NSMF: variants seen among roughly 807,000 people sequenced by gnomAD.
The protein encoded by NSMF is nasal embryonic LHRH factor.
Under a neutral mutation model 71.0 loss-of-function variants are expected in NSMF, and 31 were observed. The observed-to-expected ratio is 0.44, with a 90% CI of 0.33 to 0.59. NSMF has a LOEUF of 0.59. Ranked by LOEUF, NSMF falls within the 20% of genes least tolerant of loss-of-function variation. The probability of loss-of-function intolerance (pLI) is 0.04; values close to 1 mark genes in which losing one functional copy is unlikely to be tolerated. For missense variants in NSMF, 673 were observed against 740.5 expected, an observed-to-expected ratio of 0.91 and a Z score of 1.06; for synonymous variants, 345 against 287.1, an observed-to-expected ratio of 1.20 and a Z score of -2.04.
intron 14 of NSMF, 47 bp from the exon 15 acceptor site, chr9:137,449,721 G>A (rs762467399): frequency 2.0e-6 from 3 of 1,518,886 alleles, no homozygotes; most frequent in Non-Finnish European, 2.7e-6. Context: ...AGATGGGGAA[G>A]GAGGAGCGGG....
Position 137,459,085 on chromosome 9 carries a change from G to T in NSMF, c.18C>A (p.Ser6=). The part of the protein sequence containing the change: MGAAA[S]RRRALRSEAM... ...CCTCGCTCCTCAGCGCCCTCCTCCTGGAGGCGGCGGCGCCCATGGTCGAGG... is the reference window on the plus strand; with the variant it reads ...CCTCGCTCCTCAGCGCCCTCCTCCTTGAGGCGGCGGCGCCCATGGTCGAGG... The change falls in exon 1 of 16, where the codon TCC becomes TCA. Residue 6 remains serine, a synonymous_variant. Transcript: ENST00000371475. The T allele has an allele frequency of 2.6e-5, 33 of 1,259,488 alleles. No homozygotes were observed. The highest frequency in any genetic ancestry group is 3.2e-5 in the Non-Finnish European group (32 of 998,612). 78.0% of individuals were successfully genotyped at this position (1,259,488 alleles called of 1,614,324 possible).
At chr9:137,454,038 G>A (rs983705698) in intron 7 of NSMF, among the ~76,000 whole-genome samples, 3 of 151,178 alleles carry the variant, frequency 2.0e-5, no homozygotes, top group South Asian at 2.1e-4. Flanking sequence ...TGGGAAGGGA[G>A]GAGCCTGGGC....
At chr9:137,456,116 T>G (rs1588507222) in intron 4 of NSMF, among the ~76,000 whole-genome samples, 1 of 146,748 alleles carries the variant, frequency 6.8e-6, no homozygotes, top group African/African-American at 2.5e-5. Flanking sequence ...CTGAGGAGAG[T>G]GGATAGGAGC....
chr9:137,452,723 G>C lies in NSMF; in HGVS notation c.1131+13C>G. 6.2e-7 allele frequency: 1 copy of C among 1,604,866 alleles called. No individual in the cohort carries two copies. The highest frequency in any genetic ancestry group is 1.7e-5 in the Admixed American group (1 of 58,300). ...AGGGCATCTGTTGGGGGCAGGCCCG[G>C]GGCGGGACTCACGTAGAGGATGGGG... On this transcript the variant is annotated intron_variant, in intron 10 of 15. Transcript: ENST00000371475.
rs114435522 is a variant in NSMF, at chr9:137,452,463, G to A, written c.1166-28C>T. The A allele has an allele frequency of 1.6e-4, 251 of 1,610,818 alleles. 1 individual carries two copies. The African/African-American group carries it at 2.7e-3, about 18-fold the overall frequency. On this transcript the variant is annotated intron_variant, in intron 11 of 15. Coordinates refer to ENST00000371475, the MANE Select transcript of NSMF (RefSeq NM_001130969.3). Reference sequence around the variant, plus strand: ...GTGGGAGAGCGGGTGTGAGTGCTGCGGCCCCCACCCCAGCCCCAGGGGCAC... The same window carrying A: ...GTGGGAGAGCGGGTGTGAGTGCTGCAGCCCCCACCCCAGCCCCAGGGGCAC...
intron 3 of NSMF, 33 bp from the exon 4 acceptor site, chr9:137,456,519 G>A (rs975251416): frequency 4.2e-6 from 6 of 1,444,122 alleles, no homozygotes; most frequent in East Asian, 2.3e-5. Context: ...GTGGCTGGGT[G>A]AAGTAGGGGT....
intron 9 of NSMF, 76 bp downstream of exon 9, chr9:137,452,976 CCAGG>C (rs1234313845): frequency 1.9e-5 from 30 of 1,602,390 alleles, no homozygotes; most frequent in Admixed American, 3.3e-5. Context: ...CTGCGTGGTC[CCAGG>C]CAGAGCTGGC....
In NSMF at chr9:137,450,295, C is replaced by T. The variant is rs770223424; in HGVS notation, c.1237-40G>A. 5 of 1,545,066 alleles carry T rather than the reference C, an allele frequency of 3.2e-6. No individual in the cohort carries two copies. In the Admixed American group the frequency reaches 6.7e-5, roughly 21 times the overall value. On this transcript the variant is annotated intron_variant, in intron 12 of 15. Coordinates refer to ENST00000371475, the MANE Select transcript of NSMF (RefSeq NM_001130969.3). ...GGTCAGGCATCTGCTCCTCCTTCCTCCCCCTCTCCGACACACATGCACCCA... is the reference window on the plus strand; with the variant it reads ...GGTCAGGCATCTGCTCCTCCTTCCTTCCCCTCTCCGACACACATGCACCCA...
At position 137,457,186 on chromosome 9, in the gene NSMF, C is replaced by G. The variant is rs186311415; in HGVS notation, c.628+221G>C. On this transcript the variant is annotated intron_variant, in intron 3 of 15. Coordinates refer to ENST00000371475, the MANE Select transcript of NSMF (RefSeq NM_001130969.3). ...CTGGTGCTAGCAGGGCGAAAGCGGA[C>G]TGTGAGGCCTGGCAGATTTTGCTGA... Among the ~76,000 whole-genome samples, 171 of 152,320 alleles carry G rather than the reference C, an allele frequency of 1.1e-3. 2 individuals are homozygous for G. Among genetic ancestry groups the G allele is most frequent in the African/African-American group, 3.4e-3 (143 of 41,572 alleles).
Position 137,457,524 on chromosome 9 carries a change from C to A in NSMF, c.511G>T (p.Ala171Ser). 2 of 1,608,698 alleles carry A rather than the reference C, an allele frequency of 1.2e-6. No homozygotes were observed. Among genetic ancestry groups the A allele is most frequent in the Non-Finnish European group, 1.7e-6 (2 of 1,178,216 alleles). Residue 171 changes from alanine to serine, a missense_variant, in exon 3 of 16, where the codon GCC becomes TCC. Transcript: ENST00000371475. Reference protein sequence around the residue: ...RQGSKECPGCAQLAPGPTPRA... With the variant: ...RQGSKECPGCSQLAPGPTPRA... ...GGGGTGGGGCCAGGAGCCAGCTGGGCACATCCGGGGCACTCCTTGGAGCCC... is the reference window on the plus strand; with the variant it reads ...GGGGTGGGGCCAGGAGCCAGCTGGGAACATCCGGGGCACTCCTTGGAGCCC...
chr9:137,449,471 ACGTCT>A lies in NSMF; in HGVS notation c.1511_1515del (p.Glu504ValfsTer3). On this transcript the variant is annotated frameshift_variant, in exon 16 of 16. Transcript: ENST00000371475. LOFTEE classifies it high-confidence loss of function. ...AGGCGATACAACCGGAAGTCAAAGTACGTCTCGATCATCTGCTTCCCTGGGCGGAG... is the reference window on the plus strand; with the variant it reads ...AGGCGATACAACCGGAAGTCAAAGTACGATCATCTGCTTCCCTGGGCGGAG... 6.2e-7 allele frequency: 1 copy of A among 1,612,880 alleles called. No homozygotes were observed. Among genetic ancestry groups the A allele is most frequent in the Non-Finnish European group, 8.5e-7 (1 of 1,179,928 alleles).
rs1831044932 is a variant in NSMF at position 137,459,169 on chromosome 9, A to G, written c.-67T>C. On this transcript the variant is annotated 5_prime_UTR_variant, in exon 1 of 16. Transcript: ENST00000371475. ...CCGCGCCCGCCGCCTCCGCCGGGGTAGCCGCGCCGCACCGGGGGTCGCGCT... is the reference window on the plus strand; with the variant it reads ...CCGCGCCCGCCGCCTCCGCCGGGGTGGCCGCGCCGCACCGGGGGTCGCGCT... The G allele has an allele frequency of 1.8e-6, 2 of 1,091,988 alleles. No homozygotes were observed. The highest frequency in any genetic ancestry group is 3.4e-5 in the African/African-American group (2 of 59,662). The allele number at this position is 1,091,988 out of a possible 1,614,324, so 67.6% of individuals were successfully genotyped here. A position where few individuals can be genotyped will look rare whatever the true frequency, so the allele number is the denominator to read the frequency against.
chr9:137,452,525 G>A (rs1163111018), intron 11 of NSMF, 28 bp downstream of exon 11: 1 of 1,612,546 alleles, frequency 6.2e-7, no homozygotes, highest in East Asian at 2.2e-5. Context: ...CCTGGAACCA[G>A]CAGAGAGAAG....
At position 137,454,818 on chromosome 9, in the gene NSMF, G is replaced by A. The variant is rs2131996372; in HGVS notation, c.780-375C>T. On this transcript the variant is annotated intron_variant, in intron 6 of 15. Coordinates refer to ENST00000371475, the MANE Select transcript of NSMF (RefSeq NM_001130969.3). The stretch of plus-strand genomic sequence containing the variant: ...CTGCAGCAGAGCGGGGCTCCTGTCT[G>A]CACCACCCCATGGCGGGCTGGGGGC... 2.3e-6 allele frequency: 3 copies of A among 1,324,446 alleles called. No individual in the cohort carries two copies. In the East Asian group the frequency reaches 1.0e-4, roughly 44 times the overall value. 82.0% of individuals were successfully genotyped at this position (1,324,446 alleles called of 1,614,324 possible).
rs1451973383 is a variant in NSMF at position 137,457,416 on chromosome 9, G to A, written c.619C>T (p.Arg207Cys). ...GACACAAACCCCTCACCAGACACACGGTCAACGCTGTACATCCTCTCCAGC... is the reference window on the plus strand; with the variant it reads ...GACACAAACCCCTCACCAGACACACAGTCAACGCTGTACATCCTCTCCAGC... The part of the protein sequence containing the change: ...KKLERMYSVD[R>C]VSDDIPIRTW... The change falls in exon 3 of 16, where the codon CGT (arginine) becomes TGT (cysteine). Residue 207 changes from arginine (R) to cysteine (C), a missense_variant. Arg to Cys is a radical substitution (Grantham distance 180). Transcript: ENST00000371475. 3.1e-6 allele frequency: 5 copies of A among 1,612,768 alleles called. No individual in the cohort carries two copies. Among genetic ancestry groups the A allele is most frequent in the South Asian group, 1.1e-5 (1 of 91,090 alleles).
In NSMF at chr9:137,457,352, C is replaced by A; in HGVS notation, c.628+55G>T. 1.9e-6 allele frequency: 3 copies of A among 1,608,574 alleles called. No homozygotes were observed. The South Asian group carries it at 3.3e-5, about 18-fold the overall frequency. ...CTCACAGTGGCTGCTGCTGTCAGAC[C>A]CTGGCAGCGGCATGCACCCCCAAAC... On this transcript the variant is annotated intron_variant, in intron 3 of 15. Transcript: ENST00000371475.
rs755038279 is a variant in NSMF, at chr9:137,453,088, C to T, written c.1015G>A (p.Asp339Asn). The T allele has an allele frequency of 5.0e-6, 8 of 1,612,482 alleles. No homozygotes were observed. Among genetic ancestry groups the T allele is most frequent in the African/African-American group, 1.3e-5 (1 of 74,914 alleles). Residue 339 changes from aspartate (D) to asparagine (N), a missense_variant, in exon 9 of 16, where the codon GAC becomes AAC. Coordinates refer to ENST00000371475, the MANE Select transcript of NSMF (RefSeq NM_001130969.3). This position sits in a 1 kb window ranked among gnomAD's most constrained non-coding sequence, Gnocchi z 4.5. ...TEKGLEAVAC[D>N]TEGFVPPKVM... is the part of the protein sequence containing the mutation. ...TTTGGTGGCACGAAGCCTTCGGTGT[C>T]GCAGGCCACAGCCTCCAGGCCCTTC...
chr9:137,456,233 T>G, intron 4 of NSMF, 178 bp downstream of exon 4: 2 of 687,588 alleles, frequency 2.9e-6, no homozygotes, highest in Non-Finnish European at 5.4e-6. Flanking sequence ...GCACCAGCCA[T>G]GGGAGGGGAA....
intron 12 of NSMF, among the ~76,000 whole-genome samples, chr9:137,451,394 G>A (rs75446943): frequency 7.8e-4 from 2 of 2,564 alleles, no homozygotes; most frequent in African/African-American, 2.5e-3. Flanking sequence ...GATCTCCCCC[G>A]CCACGTCTCT....
Sources: gnomAD v4.1 joint callset for allele counts (sites outside exome capture counted in the v4.1 genomes callset) on GRCh38, gnomAD v4.1.1 for gene constraint, Gnocchi (gnomAD v3.1) non-coding constraint, MANE v1.5 for transcripts, NCBI Gene and HGNC (gene_info 2026-07-23, HGNC 2026-07-21) for gene names.